DPP6: variants seen among roughly 807,000 people sequenced by gnomAD.
The protein encoded by DPP6 is A-type potassium channel modulatory protein DPP6.
In DPP6, 69 loss-of-function variants were observed where a neutral mutation model predicts 122.6. The observed-to-expected ratio is 0.56, with a 90% CI of 0.46 to 0.69. DPP6 has a LOEUF of 0.69. Ranked by LOEUF, DPP6 falls within the 30% of genes least tolerant of loss-of-function variation. The pLI is 0.00. For missense variants in DPP6, 928 were observed against 1,116.9 expected (o/e 0.83, Z 2.41); for synonymous variants, 418 against 433.1 (o/e 0.97, Z 0.43).
chr7:154,085,350 T>C (rs10273818), intron 1 of DPP6, among the ~76,000 whole-genome samples: 99,597 of 151,984 alleles, frequency 0.66, 33,152 homozygotes, highest in African/African-American at 0.77. Context: ...AAAACTCTCT[T>C]GCCTCTTGTA....
At chr7:154,639,444 A>G (rs764701862) in intron 6 of DPP6, among the ~76,000 whole-genome samples, 7 of 152,220 alleles carry the variant, frequency 4.6e-5, no homozygotes, top group Non-Finnish European at 1.0e-4. Flanking sequence ...TTATGCCTTG[A>G]GATTTATCTG....
chr7:153,983,914 C>T (rs1796715851), intron 1 of DPP6, among the ~76,000 whole-genome samples: 1 of 152,016 alleles, frequency 6.6e-6, no homozygotes, highest in South Asian at 2.1e-4. Flanking sequence ...GACTGTGTAC[C>T]TCAGTTGGAA....
chr7:153,804,777 G>T, the DPP6 span, among the ~76,000 whole-genome samples: 1 of 152,042 alleles, frequency 6.6e-6, no homozygotes, highest in African/African-American at 2.4e-5. Context: ...CCAGCTACTC[G>T]GGAGGCTGAG....
chr7:154,349,880 A>C (rs1810705691), intron 1 of DPP6, among the ~76,000 whole-genome samples: 1 of 152,210 alleles, frequency 6.6e-6, no homozygotes, highest in Non-Finnish European at 1.5e-5. Context: ...GTAGAGTAAA[A>C]AACAAATTTT....
intron 1 of DPP6, among the ~76,000 whole-genome samples, chr7:153,903,917 C>T (rs569365415): frequency 6.6e-6 from 1 of 152,260 alleles, no homozygotes; most frequent in Admixed American, 6.5e-5. Context: ...GGTTGAGGGA[C>T]TTTTGGTGGT....
At position 154,894,258 on chromosome 7, in the gene DPP6, A is replaced by G. The variant is rs1228865029; in HGVS notation, c.*1778A>G. ...GGATGTGGCATGGTAGCGTCTGTTC[A>G]TCCATGGAATAAAACATTATTTTAC... On this transcript the variant is annotated 3_prime_UTR_variant, in exon 26 of 26. Coordinates refer to ENST00000377770, the MANE Select transcript of DPP6 (RefSeq NM_130797.4). The G allele has an allele frequency of 1.3e-5, 2 of 152,254 alleles. No homozygotes were observed. Among genetic ancestry groups the G allele is most frequent in the Non-Finnish European group, 2.9e-5 (2 of 68,058 alleles). 9.4% of individuals were successfully genotyped at this position (152,254 alleles called of 1,614,324 possible). A position where few individuals can be genotyped will look rare whatever the true frequency, so the allele number is the denominator to read the frequency against.
rs555054498 is a variant in DPP6, at chr7:154,251,542, G to A, written c.244-194672G>A. Among the ~76,000 whole-genome samples, 13 of 152,298 alleles carry A rather than the reference G, an allele frequency of 8.5e-5. 1 individual carries two copies. The highest frequency in any genetic ancestry group is 2.4e-4 in the African/African-American group (10 of 41,560). On this transcript the variant is annotated intron_variant, in intron 1 of 25. Coordinates refer to ENST00000377770, the MANE Select transcript of DPP6 (RefSeq NM_130797.4). ...ACACCATCACAAGATAAAGTCCCAC[G>A]GTGGGCCATCTGCAAGTTGAGGAGC...
intron 3 of DPP6, among the ~76,000 whole-genome samples, chr7:154,531,100 C>T (rs1164338131): frequency 2.0e-5 from 3 of 152,052 alleles, no homozygotes; most frequent in African/African-American, 7.2e-5. Flanking sequence ...ACCTTTATAC[C>T]TAGGTGATAG....
At chr7:153,882,965 G>A (rs1210991650), upstream of DPP6, among the ~76,000 whole-genome samples, 1 of 152,218 alleles carries the variant, frequency 6.6e-6, no homozygotes, top group East Asian at 1.9e-4. Flanking sequence ...ACAGTGCGGT[G>A]AGAATCGTAA....
chr7:153,865,538 C>A, the DPP6 span, among the ~76,000 whole-genome samples: 2 of 151,996 alleles, frequency 1.3e-5, no homozygotes, highest in African/African-American at 4.8e-5. Context: ...TAAAATTTGG[C>A]CATAATTAAA....
At chr7:154,884,662 C>T (rs1314649920) in intron 21 of DPP6, 1 of 70,024 alleles carries the variant, frequency 1.4e-5, no homozygotes, top group Non-Finnish European at 2.9e-5. Context: ...TACATGCTCA[C>T]ACACACACAT....
intron 7 of DPP6, among the ~76,000 whole-genome samples, chr7:154,694,001 G>T (rs182482382): frequency 2.7e-4 from 41 of 152,236 alleles, no homozygotes; most frequent in African/African-American, 9.4e-4. Context: ...AGACTGGGGT[G>T]CTTAGAAAAA....
At chr7:154,707,515 G>T (rs1467364342) in intron 7 of DPP6, among the ~76,000 whole-genome samples, 2 of 152,164 alleles carry the variant, frequency 1.3e-5, no homozygotes, top group Non-Finnish European at 2.9e-5. Flanking sequence ...TTGCAAAAAT[G>T]AGATGAGCCC....
intron 1 of DPP6, among the ~76,000 whole-genome samples, chr7:154,173,906 G>A (rs1797664800): frequency 6.6e-6 from 1 of 152,166 alleles, no homozygotes; most frequent in South Asian, 2.1e-4. Flanking sequence ...CACCTTAGCT[G>A]TGACAGTTGC....
At chr7:154,561,771 C>T (rs1830441004) in intron 4 of DPP6, among the ~76,000 whole-genome samples, 1 of 152,026 alleles carries the variant, frequency 6.6e-6, no homozygotes, top group South Asian at 2.1e-4. Context: ...TCAATAAAAT[C>T]AATCAAGAGC....
chr7:154,432,326 T>C (rs1262458274), intron 1 of DPP6, among the ~76,000 whole-genome samples: 1 of 152,214 alleles, frequency 6.6e-6, no homozygotes, highest in African/African-American at 2.4e-5. Flanking sequence ...CATTCTGGTA[T>C]GGAATGTGTA....
chr7:153,915,652 C>G (rs1173264667), intron 1 of DPP6, among the ~76,000 whole-genome samples: 1 of 152,184 alleles, frequency 6.6e-6, no homozygotes, highest in Non-Finnish European at 1.5e-5. Context: ...GCAGTGGCCC[C>G]TACCACTGGG....
chr7:154,730,354 G>T (rs1842277726), intron 8 of DPP6, among the ~76,000 whole-genome samples: 1 of 152,074 alleles, frequency 6.6e-6, no homozygotes, highest in Non-Finnish European at 1.5e-5. Context: ...GACATGACAA[G>T]GGTCTTCCAC....
At chr7:154,361,389 C>T (rs12536378) in intron 1 of DPP6, among the ~76,000 whole-genome samples, 75,643 of 151,996 alleles carry the variant, frequency 0.5, 21,880 homozygotes, top group East Asian at 0.71. Flanking sequence ...AGTGAAAGGA[C>T]ATTTGAGGTT....
Sources: gnomAD v4.1 joint callset for allele counts (sites outside exome capture counted in the v4.1 genomes callset) on GRCh38, gnomAD v4.1.1 for gene constraint, MANE v1.5 for transcripts, NCBI Gene and HGNC (gene_info 2026-07-23, HGNC 2026-07-21) for gene names.